The following SMYD3 variants were observed in gnomAD, a reference collection of about 807,000 sequenced individuals.
The protein encoded by SMYD3 is histone-lysine N-methyltransferase SMYD3.
Under a neutral mutation model 57.7 loss-of-function variants are expected in SMYD3, and 36 were observed. The observed-to-expected ratio is 0.62, with a 90% CI of 0.48 to 0.82. The LOEUF (loss-of-function observed/expected upper bound fraction) is 0.82. SMYD3 is among the 40% of genes least tolerant of loss of function. SMYD3 has a pLI of 0.00. For synonymous variants in SMYD3, 211 were observed against 195.0 expected, an observed-to-expected ratio of 1.08 and a Z score of -0.68; for missense variants, 515 against 538.8, an observed-to-expected ratio of 0.96 and a Z score of 0.44.
At chr1:245,982,928 T>C (rs1402229443) in intron 5 of SMYD3, among the ~76,000 whole-genome samples, 1 of 152,216 alleles carries the variant, frequency 6.6e-6, no homozygotes, top group African/African-American at 2.4e-5. Context: ...CCTTATACAG[T>C]TGAATCCAAG....
At chr1:245,977,623 G>A (rs1246818279) in intron 5 of SMYD3, among the ~76,000 whole-genome samples, 7 of 152,188 alleles carry the variant, frequency 4.6e-5, no homozygotes, top group Admixed American at 4.6e-4. Context: ...AGGTTGCAGT[G>A]AGCCGAGATC....
At chr1:245,958,569 G>A (rs1274550863) in intron 5 of SMYD3, among the ~76,000 whole-genome samples, 1 of 152,114 alleles carries the variant, frequency 6.6e-6, no homozygotes, top group Non-Finnish European at 1.5e-5. Flanking sequence ...TCATTCTCCA[G>A]TCTGATTTAG....
intron 4 of SMYD3, among the ~76,000 whole-genome samples, chr1:246,330,252 C>A (rs1049575889): frequency 1.2e-4 from 18 of 152,284 alleles, no homozygotes; most frequent in Middle Eastern, 3.4e-3. Flanking sequence ...TTACACTACC[C>A]CATGTAACCT....
chr1:246,177,492 T>C (rs1259564709), intron 5 of SMYD3, among the ~76,000 whole-genome samples: 1 of 151,856 alleles, frequency 6.6e-6, no homozygotes, highest in East Asian at 1.9e-4. Context: ...AGCACAAACA[T>C]AAAATCAAGA....
chr1:246,123,824 G>C (rs1218344418), intron 5 of SMYD3, among the ~76,000 whole-genome samples: 1 of 151,598 alleles, frequency 6.6e-6, no homozygotes, highest in Non-Finnish European at 1.5e-5. Flanking sequence ...TTTTTCCCCT[G>C]AGAAATGCAC....
chr1:246,227,354 G>A lies in SMYD3; in HGVS notation c.531+99847C>T, dbSNP rs1310609226. 2.6e-5 allele frequency among the ~76,000 whole-genome samples: 4 copies of A among 152,188 alleles called. No individual in the cohort carries two copies. In the South Asian group the frequency reaches 6.2e-4, roughly 24 times the overall value. ...ACTTTGGCCGGGTGCGGCGGCTCACGCCTGTAATCCCAGCACTTTGGGAGG... is the reference window on the plus strand; with the variant it reads ...ACTTTGGCCGGGTGCGGCGGCTCACACCTGTAATCCCAGCACTTTGGGAGG... On this transcript the variant is annotated intron_variant, in intron 5 of 11. Coordinates refer to ENST00000490107, the MANE Select transcript of SMYD3 (RefSeq NM_001167740.2).
intron 5 of SMYD3, among the ~76,000 whole-genome samples, chr1:246,026,466 T>C (rs2059576081): frequency 6.6e-6 from 1 of 152,230 alleles, no homozygotes; most frequent in South Asian, 2.1e-4. Flanking sequence ...TGTGAATCCT[T>C]TGTTGAACAA....
intron 10 of SMYD3, among the ~76,000 whole-genome samples, chr1:245,774,955 G>A (rs1041364997): frequency 1.3e-5 from 2 of 152,112 alleles, no homozygotes; most frequent in Non-Finnish European, 2.9e-5. Context: ...CGCCAGCCTC[G>A]GCCTCCCGGA....
Position 246,327,351 on chromosome 1 carries a change from A to C in SMYD3, c.395-14T>G. On this transcript the variant is annotated splice_polypyrimidine_tract_variant and intron_variant, in intron 4 of 11. Transcript: ENST00000490107. ...GTTTGTTAATATCTTTTTTAAAGAG[A>C]AAATAAATAGCACAATCTCAAAGTA... The C allele has an allele frequency of 6.2e-7, 1 of 1,603,378 alleles. No homozygotes were observed. The highest frequency in any genetic ancestry group is 8.5e-7 in the Non-Finnish European group (1 of 1,175,064).
intron 8 of SMYD3, among the ~76,000 whole-genome samples, chr1:245,911,070 C>A (rs998137865): frequency 6.6e-6 from 1 of 151,528 alleles, no homozygotes; most frequent in Non-Finnish European, 1.5e-5. Context: ...TAAGAACAGG[C>A]AAAATATGCT....
chr1:246,048,178 C>T (rs941702081), intron 5 of SMYD3, among the ~76,000 whole-genome samples: 6 of 152,180 alleles, frequency 3.9e-5, no homozygotes, highest in Admixed American at 6.5e-5. Flanking sequence ...TCTTCAACCT[C>T]AAGAACATGC....
chr1:245,827,206 C>T (rs550707891), intron 10 of SMYD3, among the ~76,000 whole-genome samples: 1 of 152,294 alleles, frequency 6.6e-6, no homozygotes. Flanking sequence ...CTTCCAAGTG[C>T]AGCAATCTGG....
chr1:245,896,397 A>AAAAC (rs1553354797), intron 8 of SMYD3, among the ~76,000 whole-genome samples: 2 of 151,060 alleles, frequency 1.3e-5, no homozygotes, highest in Non-Finnish European at 1.5e-5. Context: ...GTCAAAAAAA[A>AAAAC]AAAAAAAAAC....
intron 11 of SMYD3, among the ~76,000 whole-genome samples, chr1:245,756,111 T>G (rs2045593494): frequency 1.3e-5 from 2 of 148,490 alleles, no homozygotes; most frequent in South Asian, 4.2e-4. Flanking sequence ...ATTTTATATA[T>G]ATATACACAC....
At chr1:246,160,878 T>C (rs933556667) in intron 5 of SMYD3, among the ~76,000 whole-genome samples, 4 of 152,164 alleles carry the variant, frequency 2.6e-5, no homozygotes, top group African/African-American at 9.7e-5. Flanking sequence ...TAAATAGAGA[T>C]GGTGAATGTA....
At chr1:246,075,844 GA>G (rs2060536374) in intron 5 of SMYD3, among the ~76,000 whole-genome samples, 1 of 149,906 alleles carries the variant, frequency 6.7e-6, no homozygotes, top group Non-Finnish European at 1.5e-5. Context: ...TATTTTACAT[GA>G]AATGGGACAA....
rs148497912 is a variant in SMYD3 at position 246,031,988 on chromosome 1, G to A, written c.532-102051C>T. Among the ~76,000 whole-genome samples the A allele has an allele frequency of 5.4e-3, 819 of 152,224 alleles. 10 individuals are homozygous for A. The highest frequency in any genetic ancestry group is 0.019 in the African/African-American group (788 of 41,538). Reference sequence around the variant, plus strand: ...TAAATTACAGAGACTCTAAAGTTACGTTGAAACGACCCTTACACCCTCGAA... The same window carrying A: ...TAAATTACAGAGACTCTAAAGTTACATTGAAACGACCCTTACACCCTCGAA... On this transcript the variant is annotated intron_variant, in intron 5 of 11. Transcript: ENST00000490107.
chr1:245,808,884 T>C (rs888561163), intron 10 of SMYD3, among the ~76,000 whole-genome samples: 9 of 152,144 alleles, frequency 5.9e-5, no homozygotes, highest in Admixed American at 5.9e-4. Context: ...TGCCTCAGCC[T>C]CCCGAACAGC....
At position 246,200,789 on chromosome 1, in the gene SMYD3, T is replaced by C. The variant is rs568124005; in HGVS notation, c.531+126412A>G. Among the ~76,000 whole-genome samples the C allele has an allele frequency of 4.6e-5, 7 of 152,350 alleles. No homozygotes were observed. The South Asian group carries it at 1.5e-3, about 32-fold the overall frequency. Reference sequence around the variant, plus strand: ...AAACAACCTTTTGACGTGGGTATTATCAACCCCATCTTTCTAGAGCCGAAA... The same window carrying C: ...AAACAACCTTTTGACGTGGGTATTACCAACCCCATCTTTCTAGAGCCGAAA... On this transcript the variant is annotated intron_variant, in intron 5 of 11. Coordinates refer to ENST00000490107, the MANE Select transcript of SMYD3 (RefSeq NM_001167740.2).
Sources: gnomAD v4.1 joint callset for allele counts (sites outside exome capture counted in the v4.1 genomes callset) on GRCh38, gnomAD v4.1.1 for gene constraint, MANE v1.5 for transcripts, NCBI Gene and HGNC (gene_info 2026-07-23, HGNC 2026-07-21) for gene names.